Variants in UBXN2B observed in about 807,000 individuals in gnomAD.
The protein encoded by UBXN2B is UBX domain-containing protein 2B.
In UBXN2B, 19 loss-of-function variants were observed where a neutral mutation model predicts 37.5. The observed-to-expected ratio is 0.51, with a 90% CI of 0.35 to 0.74. The LOEUF is 0.74. UBXN2B is among the 30% of genes least tolerant of loss of function. The pLI, the probability that UBXN2B is intolerant of heterozygous loss-of-function variation, is 0.01. For synonymous variants in UBXN2B, 145 were observed against 143.8 expected, an observed-to-expected ratio of 1.01 and a Z score of -0.06; for missense variants, 370 against 393.2, an observed-to-expected ratio of 0.94 and a Z score of 0.50.
intron 2 of UBXN2B, among the ~76,000 whole-genome samples, chr8:58,422,488 G>A (rs1416321495): frequency 5.9e-5 from 9 of 152,182 alleles, no homozygotes; most frequent in Non-Finnish European, 1.2e-4. Flanking sequence ...ATCCACACTC[G>A]ATGATTCAAC....
In UBXN2B at chr8:58,416,854, C is replaced by T; in HGVS notation, c.89C>T (p.Ala30Val). ...RPPSARDLQL[A>V]LAELYEDEVK... ...AACAAGCCTGTTATTATGTAGTTGG[C>T]CTTGGCAGAATTGTATGAAGATGAA... The change falls in exon 2 of 8, where the codon GCC becomes GTC. Residue 30 changes from alanine (A) to valine (V), a missense_variant. Physicochemically the swap from Ala to Val is moderately conservative, Grantham distance 64. Coordinates refer to ENST00000399598, the MANE Select transcript of UBXN2B (RefSeq NM_001077619.2). The T allele has an allele frequency of 6.2e-7, 1 of 1,610,684 alleles. No homozygotes were observed. Among genetic ancestry groups the T allele is most frequent in the Non-Finnish European group, 8.5e-7 (1 of 1,177,980 alleles).
chr8:58,428,967 A>G (rs1345545914), intron 2 of UBXN2B, among the ~76,000 whole-genome samples: 1 of 152,206 alleles, frequency 6.6e-6, no homozygotes, highest in African/African-American at 2.4e-5. Context: ...TCAGTTCCAT[A>G]TGGGTTGTGG....
chr8:58,437,849 T>C (rs1808452838), intron 5 of UBXN2B, among the ~76,000 whole-genome samples: 2 of 152,034 alleles, frequency 1.3e-5, no homozygotes, highest in Admixed American at 1.3e-4. Context: ...AGCAACCACT[T>C]GATAGAGAGA....
chr8:58,414,737 C>T (rs1039097511), intron 1 of UBXN2B, among the ~76,000 whole-genome samples: 2 of 152,000 alleles, frequency 1.3e-5, no homozygotes, highest in Non-Finnish European at 2.9e-5. Context: ...AAATATTACT[C>T]ATTTTCTTCT....
In UBXN2B at chr8:58,449,398, A is replaced by G. The variant is rs1808755178; in HGVS notation, c.*1847A>G. ...TGCTCAAAAGTCACAATCCATTATT[A>G]CAGCATCAACTCTAAATCCAAAATC... On this transcript the variant is annotated 3_prime_UTR_variant, in exon 8 of 8. Coordinates refer to ENST00000399598, the MANE Select transcript of UBXN2B (RefSeq NM_001077619.2). 1 of 151,922 alleles carries G rather than the reference A, an allele frequency of 6.6e-6. No individual in the cohort carries two copies. Among genetic ancestry groups the G allele is most frequent in the African/African-American group, 2.4e-5 (1 of 41,348 alleles). The allele number at this position is 151,922 out of a possible 1,614,324, so 9.4% of individuals were successfully genotyped here. A position where few individuals can be genotyped will look rare whatever the true frequency, so the allele number is the denominator to read the frequency against.
chr8:58,431,033 T>C (rs1263635206), intron 3 of UBXN2B, among the ~76,000 whole-genome samples: 2 of 152,194 alleles, frequency 1.3e-5, no homozygotes, highest in Non-Finnish European at 2.9e-5. Context: ...TTGGCATTTC[T>C]CTCTGTCTAT....
At chr8:58,424,384 A>C (rs1378502882) in intron 2 of UBXN2B, among the ~76,000 whole-genome samples, 5 of 152,224 alleles carry the variant, frequency 3.3e-5, no homozygotes. Flanking sequence ...GGAAATGAGT[A>C]ATTGGGAAGC....
intron 2 of UBXN2B, among the ~76,000 whole-genome samples, chr8:58,423,584 C>T (rs566311871): frequency 9.2e-5 from 14 of 151,920 alleles, no homozygotes; most frequent in East Asian, 1.9e-4. Flanking sequence ...TACAGGCGCC[C>T]GCCACCACGC....
At chr8:58,424,818 G>A (rs1430407631) in intron 2 of UBXN2B, 2 of 1,441,806 alleles carry the variant, frequency 1.4e-6, no homozygotes, top group East Asian at 4.5e-5. Flanking sequence ...TATAATGCTG[G>A]ACCGCCATAT....
At chr8:58,439,924 CAT>C (rs1335113866) in intron 6 of UBXN2B, among the ~76,000 whole-genome samples, 154 bp downstream of exon 6, 3 of 146,682 alleles carry the variant, frequency 2.0e-5, no homozygotes, top group African/African-American at 4.9e-5. Flanking sequence ...AATATTATAT[CAT>C]GTGATACCAT....
chr8:58,413,849 T>C (rs1207098892), intron 1 of UBXN2B, among the ~76,000 whole-genome samples: 1 of 152,012 alleles, frequency 6.6e-6, no homozygotes, highest in African/African-American at 2.4e-5. Flanking sequence ...AAGTTAGGGG[T>C]GGGATTGTTA....
intron 2 of UBXN2B, among the ~76,000 whole-genome samples, chr8:58,429,922 T>C (rs1324937067): frequency 6.6e-6 from 1 of 152,320 alleles, no homozygotes; most frequent in African/African-American, 2.4e-5. Context: ...CCTAGGACCA[T>C]TTATGAAGTT....
intron 2 of UBXN2B, among the ~76,000 whole-genome samples, chr8:58,422,224 T>C (rs1376084995): frequency 6.6e-6 from 1 of 152,144 alleles, no homozygotes; most frequent in Non-Finnish European, 1.5e-5. Flanking sequence ...CTGAAGCAAT[T>C]CAAAGTTCAA....
chr8:58,446,280 T>C (rs1283999665), intron 7 of UBXN2B, among the ~76,000 whole-genome samples: 1 of 152,186 alleles, frequency 6.6e-6, no homozygotes. Flanking sequence ...CTATAAACTA[T>C]CCAAATACTA....
At chr8:58,439,532 C>A (rs1239410317) in intron 5 of UBXN2B, 101 bp from the exon 6 acceptor site, 8 of 1,404,144 alleles carry the variant, frequency 5.7e-6, no homozygotes, top group African/African-American at 4.4e-5. Context: ...GCAAAAAATT[C>A]TGTTTTCCAG....
chr8:58,444,389 G>C lies in UBXN2B; in HGVS notation c.672-1518G>C, dbSNP rs547295534. 1.2e-3 allele frequency among the ~76,000 whole-genome samples: 180 copies of C among 152,308 alleles called. 1 individual carries two copies. The highest frequency in any genetic ancestry group is 4.1e-3 in the African/African-American group (172 of 41,554). The stretch of plus-strand genomic sequence containing the variant: ...CTGTTGGCTCTCAGGCACAATAAGG[G>C]TAAGTGACTTGCCTGGTGTTACAGA... On this transcript the variant is annotated intron_variant, in intron 6 of 7. Coordinates refer to ENST00000399598, the MANE Select transcript of UBXN2B (RefSeq NM_001077619.2).
At position 58,424,809 on chromosome 8, in the gene UBXN2B, A is replaced by G. The variant is rs893302906; in HGVS notation, c.189-5710A>G. ...CAATCCTGCGCTGTAGTGTTTCAGT[A>G]TAATGCTGGACCGCCATATAGATAA... On this transcript the variant is annotated intron_variant, in intron 2 of 7. Transcript: ENST00000399598. The G allele has an allele frequency of 2.8e-5, 40 of 1,447,090 alleles. No individual in the cohort carries two copies. In the South Asian group the frequency reaches 4.1e-4, roughly 15 times the overall value. 89.6% of individuals were successfully genotyped at this position (1,447,090 alleles called of 1,614,324 possible). A position where few individuals can be genotyped will look rare whatever the true frequency, so the allele number is the denominator to read the frequency against.
At chr8:58,433,442 A>G (rs1808334713) in intron 4 of UBXN2B, among the ~76,000 whole-genome samples, 199 bp downstream of exon 4, 1 of 152,108 alleles carries the variant, frequency 6.6e-6, no homozygotes. Flanking sequence ...ACTTAGAGAT[A>G]TGGAACTATT....
chr8:58,437,138 A>G (rs907433554), intron 5 of UBXN2B, among the ~76,000 whole-genome samples: 3 of 152,114 alleles, frequency 2.0e-5, no homozygotes, highest in African/African-American at 7.2e-5. Flanking sequence ...AGAAATATGG[A>G]CAGTGAAGTC....
Sources: gnomAD v4.1 joint callset for allele counts (sites outside exome capture counted in the v4.1 genomes callset) on GRCh38, gnomAD v4.1.1 for gene constraint, MANE v1.5 for transcripts, NCBI Gene and HGNC (gene_info 2026-07-23, HGNC 2026-07-21) for gene names.